FLRT1: variants seen among roughly 807,000 people sequenced by gnomAD.
FLRT1 encodes the protein leucine-rich repeat transmembrane protein FLRT1.
FLRT1 carries 14 observed loss-of-function variants against 30.9 expected under a neutral mutation model. That is an observed-to-expected ratio of 0.45 (90% CI 0.30 to 0.71). FLRT1 has a LOEUF of 0.71. Among genes scored for constraint, FLRT1 ranks in the 30% least tolerant of loss-of-function variants. The pLI, the probability that FLRT1 is intolerant of heterozygous loss-of-function variation, is 0.08. For missense variants in FLRT1, 737 were observed against 949.2 expected (o/e 0.78, Z 2.94); for synonymous variants, 368 against 430.4 (o/e 0.85, Z 1.80).
intron 2 of FLRT1, among the ~76,000 whole-genome samples, chr11:64,105,907 C>T (rs142497616): frequency 1.2e-4 from 16 of 133,650 alleles, no homozygotes; most frequent in Non-Finnish European, 2.3e-4. Context: ...CAGACAATCG[C>T]TGAGGTCCTT....
rs1034174681 is a variant in FLRT1 at position 64,046,727 on chromosome 11, G to T, written c.-1038+10568G>T. Among the ~76,000 whole-genome samples the T allele has an allele frequency of 5.6e-4, 50 of 88,496 alleles. 1 individual carries two copies. The highest frequency in any genetic ancestry group is 2.1e-3 in the African/African-American group (49 of 23,418). The allele number at this position is 88,496 out of a possible 152,430, so 58.1% of individuals were successfully genotyped here. A position where few individuals can be genotyped will look rare whatever the true frequency, so the allele number is the denominator to read the frequency against. ...TTGGTCAGGCTGGCCTTGAACTCCT[G>T]ACCTTGAGTAATCCGCCTGCCTCAA... On this transcript the variant is annotated intron_variant, in intron 1 of 2. Transcript: ENST00000682287.
At chr11:64,085,640 G>T (rs922097828) in intron 1 of FLRT1, among the ~76,000 whole-genome samples, 2 of 152,232 alleles carry the variant, frequency 1.3e-5, no homozygotes, top group African/African-American at 4.8e-5. Context: ...CCACATGGCT[G>T]TGGGGAGGCT....
intron 2 of FLRT1, among the ~76,000 whole-genome samples, chr11:64,107,352 C>T (rs1294992633): frequency 6.6e-6 from 1 of 151,578 alleles, no homozygotes; most frequent in Non-Finnish European, 1.5e-5. Context: ...CCCACCCCCT[C>T]CTGGCCTTGA....
chr11:64,093,511 G>C (rs1944526516), intron 1 of FLRT1, among the ~76,000 whole-genome samples: 1 of 152,226 alleles, frequency 6.6e-6, no homozygotes, highest in Admixed American at 6.5e-5. Context: ...GGGGCAGCCT[G>C]GCCCACCTTT....
chr11:64,110,601 C>T (rs561621005), intron 2 of FLRT1, among the ~76,000 whole-genome samples: 1 of 152,132 alleles, frequency 6.6e-6, no homozygotes, highest in East Asian at 1.9e-4. Context: ...CCCAGCTAAG[C>T]GGAGGAGTAA....
chr11:64,060,227 C>T (rs1024484528), intron 1 of FLRT1, among the ~76,000 whole-genome samples: 12 of 152,270 alleles, frequency 7.9e-5, no homozygotes, highest in Non-Finnish European at 1.3e-4. Context: ...TTCAAGCGGC[C>T]TGACAGCTCC....
intron 1 of FLRT1, among the ~76,000 whole-genome samples, chr11:64,075,143 G>A (rs1043992298): frequency 3.2e-4 from 49 of 152,198 alleles, no homozygotes; most frequent in South Asian, 2.1e-4. Flanking sequence ...TGGAGAAAAC[G>A]GTTGGTGAGG....
At chr11:64,113,875 G>GATGGATGA (rs1294649679) in intron 2 of FLRT1, among the ~76,000 whole-genome samples, 1 of 145,008 alleles carries the variant, frequency 6.9e-6, no homozygotes, top group Admixed American at 6.8e-5. Flanking sequence ...TTGATACATG[G>GATGGATGA]ATGGATGGAT....
At chr11:64,074,905 A>G (rs540104465) in intron 1 of FLRT1, among the ~76,000 whole-genome samples, 1 of 152,302 alleles carries the variant, frequency 6.6e-6, no homozygotes, top group East Asian at 1.9e-4. Context: ...AGCCTCCTGC[A>G]GGGTCAGGGA....
At chr11:64,105,449 T>A (rs1944744388) in intron 2 of FLRT1, among the ~76,000 whole-genome samples, 4 of 152,212 alleles carry the variant, frequency 2.6e-5, no homozygotes, top group African/African-American at 9.6e-5. Context: ...TGTGAGCATG[T>A]GACCTTGGAC....
At chr11:64,097,940 G>A (rs1944606715) in intron 1 of FLRT1, among the ~76,000 whole-genome samples, 1 of 152,166 alleles carries the variant, frequency 6.6e-6, no homozygotes, top group Non-Finnish European at 1.5e-5. Context: ...AGGAGAAGGA[G>A]GCGGGAACCC....
intron 1 of FLRT1, among the ~76,000 whole-genome samples, chr11:64,057,329 A>T (rs1409217688): frequency 2.0e-5 from 3 of 152,096 alleles, no homozygotes. Flanking sequence ...CCCCTCATCC[A>T]CCCTGTATGT....
intron 1 of FLRT1, among the ~76,000 whole-genome samples, chr11:64,058,055 G>A (rs996335170): frequency 3.3e-5 from 5 of 152,232 alleles, no homozygotes; most frequent in Non-Finnish European, 5.9e-5. Flanking sequence ...TGTAATCTGC[G>A]ACACTGGGCT....
chr11:64,064,501 A>G lies in FLRT1; in HGVS notation c.-1038+28342A>G, dbSNP rs1199725136. On this transcript the variant is annotated intron_variant, in intron 1 of 2. Coordinates refer to ENST00000682287, the MANE Select transcript of FLRT1 (RefSeq NM_013280.5). This position sits in a 1 kb window ranked among gnomAD's most constrained non-coding sequence, Gnocchi z 4.5. The stretch of plus-strand genomic sequence containing the variant: ...GGCCTCAGGCCTGCCCCGGATGGGC[A>G]CGCAGGCAGGGTGCATATGTACGTA... Among the ~76,000 whole-genome samples the G allele has an allele frequency of 6.6e-6, 1 of 152,126 alleles. No individual in the cohort carries two copies. Among genetic ancestry groups the G allele is most frequent in the Non-Finnish European group, 1.5e-5 (1 of 67,984 alleles).
At chr11:64,058,759 G>A (rs1943840887) in intron 1 of FLRT1, among the ~76,000 whole-genome samples, 1 of 152,240 alleles carries the variant, frequency 6.6e-6, no homozygotes, top group Non-Finnish European at 1.5e-5. Flanking sequence ...CAGCTTCTAG[G>A]GTGGCCAGAC....
intron 1 of FLRT1, among the ~76,000 whole-genome samples, chr11:64,061,066 C>T (rs981844995): frequency 1.3e-5 from 2 of 152,164 alleles, no homozygotes; most frequent in East Asian, 3.9e-4. Flanking sequence ...GGCTTGGCGT[C>T]CCCCCCACTC....
At chr11:64,092,141 C>T (rs1253176742) in intron 1 of FLRT1, among the ~76,000 whole-genome samples, 3 of 152,240 alleles carry the variant, frequency 2.0e-5, no homozygotes, top group African/African-American at 7.2e-5. Context: ...GTGTTAGGGT[C>T]GCCGTGGCAT....
rs1944467962 is a variant in FLRT1, at chr11:64,090,388, A to G, written c.-1037-12806A>G. ...TAAACTCAGGCAGCAGGGCACAATT[A>G]CTGAGCCTGGTGCTTTATTTCCTCA... On this transcript the variant is annotated intron_variant, in intron 1 of 2. Coordinates refer to ENST00000682287, the MANE Select transcript of FLRT1 (RefSeq NM_013280.5). The surrounding 1 kb of genome is among the most constrained non-coding windows in gnomAD (Gnocchi z 4.7). Among the ~76,000 whole-genome samples, 1 of 152,214 alleles carries G rather than the reference A, an allele frequency of 6.6e-6. No homozygotes were observed. Among genetic ancestry groups the G allele is most frequent in the Non-Finnish European group, 1.5e-5 (1 of 68,032 alleles).
At chr11:64,099,568 G>T (rs1227154231) in intron 1 of FLRT1, among the ~76,000 whole-genome samples, 1 of 151,838 alleles carries the variant, frequency 6.6e-6, no homozygotes, top group African/African-American at 2.4e-5. Context: ...ATGGATAGAG[G>T]TGAATAGATG....
Sources: gnomAD v4.1 joint callset for allele counts (sites outside exome capture counted in the v4.1 genomes callset) on GRCh38, gnomAD v4.1.1 for gene constraint, Gnocchi (gnomAD v3.1) non-coding constraint, MANE v1.5 for transcripts, NCBI Gene and HGNC (gene_info 2026-07-23, HGNC 2026-07-21) for gene names.